The following SYPL1 variants were observed in gnomAD, a reference collection of about 807,000 sequenced individuals.
The protein encoded by SYPL1 is synaptophysin-like protein 1.
A neutral mutation model predicts 23.7 loss-of-function variants in SYPL1; 6 were observed. The ratio of observed to expected loss-of-function variants is 0.25; its 90% confidence interval spans 0.14 to 0.50. The LOEUF (loss-of-function observed/expected upper bound fraction) is 0.50. Ranked by LOEUF, SYPL1 falls within the 20% of genes least tolerant of loss-of-function variation. The pLI, the probability that SYPL1 is intolerant of heterozygous loss-of-function variation, is 0.98. For synonymous variants in SYPL1, 102 were observed against 104.5 expected (o/e 0.98, Z 0.15); for missense variants, 253 against 288.9 (o/e 0.88, Z 0.90).
Position 106,099,233 on chromosome 7 carries a change from G to A in SYPL1, c.119C>T (p.Thr40Ile), listed in dbSNP as rs200414143. The A allele has an allele frequency of 3.1e-6, 5 of 1,613,962 alleles. No individual in the cohort carries two copies. Among genetic ancestry groups the A allele is most frequent in the Non-Finnish European group, 4.2e-6 (5 of 1,179,968 alleles). Residue 40 changes from threonine (T) to isoleucine (I), a missense_variant, in exon 2 of 5, where the codon ACA becomes ATA. Thr to Ile is a moderately conservative substitution (Grantham distance 89). Coordinates refer to ENST00000455385, the MANE Select transcript of SYPL1 (RefSeq NM_182715.4). ...AGGAGGACAATTCACTTGAATTTCT[G>A]TTTGGCCCTTAAAACCTCCACAGGT... is the stretch of plus-strand genomic sequence containing the variant. ...FATCGGFKGQ[T>I]EIQVNCPPAV...
chr7:106,100,185 C>CA lies in SYPL1; in HGVS notation c.70-904dup, dbSNP rs1187579976. Among the ~76,000 whole-genome samples, 7 of 152,112 alleles carry CA rather than the reference C, an allele frequency of 4.6e-5. No homozygotes were observed. The highest frequency in any genetic ancestry group is 1.7e-4 in the African/African-American group (7 of 41,414). On this transcript the variant is annotated intron_variant, in intron 1 of 4. Coordinates refer to ENST00000455385, the MANE Select transcript of SYPL1 (RefSeq NM_182715.4). This position sits in a 1 kb window ranked among gnomAD's most constrained non-coding sequence, Gnocchi z 5.1. Reference sequence around the variant, plus strand: ...CTCCCTTGTGGGTATTTCCAGGTCTCAAAAAGTTGTTGGAAACTTATTTTC... The same window carrying CA: ...CTCCCTTGTGGGTATTTCCAGGTCTCAAAAAAGTTGTTGGAAACTTATTTTC...
intron 1 of SYPL1, among the ~76,000 whole-genome samples, chr7:106,101,966 A>G (rs759556862): frequency 3.9e-5 from 6 of 152,210 alleles, no homozygotes; most frequent in Non-Finnish European, 7.3e-5. Flanking sequence ...ACTCCCATCA[A>G]GAGATGGAGC....
chr7:106,091,837 G>C lies in SYPL1; in HGVS notation c.694C>G (p.Gln232Glu), dbSNP rs752758568. 1 of 1,613,256 alleles carries C rather than the reference G, an allele frequency of 6.2e-7. No individual in the cohort carries two copies. The highest frequency in any genetic ancestry group is 1.3e-5 in the African/African-American group (1 of 74,988). Residue 232 changes from glutamine to glutamate, a missense_variant, in exon 5 of 5, where the codon CAA becomes GAA. Transcript: ENST00000455385. The surrounding 1 kb of genome is among the most constrained non-coding windows in gnomAD (Gnocchi z 5.0). ...CCGGTAGGAGGTGGAATACCTCCTT[G>C]GCTATGAGGGGCAGATGTATTTGAT... ...SPSNTSAPHS[Q>E]GGIPPPTGI
intron 1 of SYPL1, among the ~76,000 whole-genome samples, chr7:106,111,100 C>T (rs1218075262): frequency 6.6e-6 from 1 of 152,158 alleles, no homozygotes; most frequent in Non-Finnish European, 1.5e-5. Flanking sequence ...GTGAAATTGC[C>T]TAACCCCTTG....
intron 1 of SYPL1, among the ~76,000 whole-genome samples, chr7:106,101,305 A>G (rs1840298102): frequency 6.6e-6 from 1 of 152,210 alleles, no homozygotes; most frequent in Non-Finnish European, 1.5e-5. Flanking sequence ...ATAATATTCA[A>G]TGCAGATTTG....
chr7:106,112,360 G>C (rs1210508979), upstream of SYPL1: 16 of 1,278,988 alleles, frequency 1.3e-5, no homozygotes, highest in African/African-American at 2.5e-4. Flanking sequence ...GGCGGGGCGG[G>C]GCGGAGCGGC....
chr7:106,105,956 AAC>A, intron 1 of SYPL1, among the ~76,000 whole-genome samples: 1 of 152,344 alleles, frequency 6.6e-6, no homozygotes, highest in East Asian at 1.9e-4. Flanking sequence ...ATAGATTGGT[AAC>A]ACACACACTC....
At chr7:106,099,851 T>C (rs1421186285) in intron 1 of SYPL1, among the ~76,000 whole-genome samples, 1 of 152,202 alleles carries the variant, frequency 6.6e-6, no homozygotes, top group Non-Finnish European at 1.5e-5. Context: ...ATTCTAGAAA[T>C]TCTTAAACAC....
At position 106,112,114 on chromosome 7, in the gene SYPL1, G is replaced by A. The variant is rs199716054; in HGVS notation, c.69+26C>T. 1.2e-3 allele frequency: 1,724 copies of A among 1,433,424 alleles called. 17 individuals are homozygous for A. The African/African-American group carries it at 0.023, about 19-fold the overall frequency. The allele number at this position is 1,433,424 out of a possible 1,614,324, so 88.8% of individuals were successfully genotyped here. On this transcript the variant is annotated intron_variant, in intron 1 of 4. Coordinates refer to ENST00000455385, the MANE Select transcript of SYPL1 (RefSeq NM_182715.4). Reference sequence around the variant, plus strand: ...GGGCGCCGCGCCGAGCGGCAGGCGGGCCTGGCCGGCGCGGGCTGCACTCAC... The same window carrying A: ...GGGCGCCGCGCCGAGCGGCAGGCGGACCTGGCCGGCGCGGGCTGCACTCAC...
At chr7:106,111,571 T>C (rs989327930) in intron 1 of SYPL1, among the ~76,000 whole-genome samples, 2 of 152,250 alleles carry the variant, frequency 1.3e-5, no homozygotes, top group Admixed American at 6.5e-5. Context: ...TGCGTTTTGT[T>C]AAAAGGACTT....
At chr7:106,092,817 G>A in intron 4 of SYPL1, 132 bp downstream of exon 4, 7 of 755,334 alleles carry the variant, frequency 9.3e-6, no homozygotes, top group Non-Finnish European at 1.2e-5. Context: ...ACACTATATT[G>A]TTACTAGAAT....
In SYPL1 at chr7:106,095,450, A is replaced by G. The variant is rs1839971411; in HGVS notation, c.402+2240T>C. On this transcript the variant is annotated intron_variant, in intron 3 of 4. Transcript: ENST00000455385. This position sits in a 1 kb window ranked among gnomAD's most constrained non-coding sequence, Gnocchi z 4.3. The stretch of plus-strand genomic sequence containing the variant: ...CTGTAACCTCCACCTCCTGGGTTCA[A>G]GCGATTCTCCTGCCTCAGCCTCCCA... Among the ~76,000 whole-genome samples the G allele has an allele frequency of 6.6e-6, 1 of 151,878 alleles. No individual in the cohort carries two copies. The highest frequency in any genetic ancestry group is 2.4e-5 in the African/African-American group (1 of 41,308).
At chr7:106,092,699 A>C (rs1217160856) in intron 4 of SYPL1, 1 of 554,192 alleles carries the variant, frequency 1.8e-6, no homozygotes, top group African/African-American at 2.0e-5. Flanking sequence ...AAAGAAATTA[A>C]TCTTCCCAGA....
intron 2 of SYPL1, among the ~76,000 whole-genome samples, chr7:106,098,733 C>T (rs1840156961): frequency 6.6e-6 from 1 of 152,126 alleles, no homozygotes; most frequent in African/African-American, 2.4e-5. Context: ...ATACATATGT[C>T]TTAAAACTAT....
chr7:106,110,835 T>C (rs1790105760), intron 1 of SYPL1, among the ~76,000 whole-genome samples: 1 of 152,256 alleles, frequency 6.6e-6, no homozygotes, highest in African/African-American at 2.4e-5. Flanking sequence ...TTATTAGTTA[T>C]ACATTTAATT....
At position 106,092,156 on chromosome 7, in the gene SYPL1, G is replaced by T. The variant is rs73414271; in HGVS notation, c.592-217C>A. Among the ~76,000 whole-genome samples the T allele has an allele frequency of 2.6e-3, 393 of 152,146 alleles. 3 individuals carry two copies. The highest frequency in any genetic ancestry group is 8.9e-3 in the African/African-American group (370 of 41,510). ...TAATGACTTATTCCCAATGAAATAA[G>T]GCTAAATCTCTAACATATAAAATCA... On this transcript the variant is annotated intron_variant, in intron 4 of 4. Transcript: ENST00000455385.
At chr7:106,099,072 C>T in intron 2 of SYPL1, 86 bp downstream of exon 2, 1 of 1,522,826 alleles carries the variant, frequency 6.6e-7, no homozygotes, top group Non-Finnish European at 8.8e-7. Context: ...TTTCTACCCC[C>T]CACAATCAAT....
At chr7:106,092,083 A>G (rs1362972898) in intron 4 of SYPL1, 144 bp from the exon 5 acceptor site, 1 of 753,326 alleles carries the variant, frequency 1.3e-6, no homozygotes, top group African/African-American at 1.8e-5. Context: ...TACTACACAC[A>G]ATGAGAAATA....
chr7:106,105,202 T>C (rs930283659), intron 1 of SYPL1, among the ~76,000 whole-genome samples: 1 of 152,166 alleles, frequency 6.6e-6, no homozygotes, highest in African/African-American at 2.4e-5. Context: ...TCCAAACATC[T>C]TGCTTCACTC....
Sources: allele counts gnomAD v4.1 joint callset (sites outside exome capture counted in the v4.1 genomes callset), GRCh38; gene constraint gnomAD v4.1.1; non-coding constraint Gnocchi (gnomAD v3.1); transcripts MANE v1.5; gene names NCBI Gene and HGNC (gene_info 2026-07-23, HGNC 2026-07-21).